The following HP1BP3 variants were observed in gnomAD, a reference collection of about 807,000 sequenced individuals.
The protein encoded by HP1BP3 is heterochromatin protein 1 binding protein 3.
HP1BP3 carries 12 observed loss-of-function variants against 62.5 expected under a neutral mutation model. The observed-to-expected ratio is 0.19, with a 90% CI of 0.12 to 0.31. The LOEUF is 0.31. HP1BP3 is among the 10% of genes least tolerant of loss of function. The pLI is 1.00. For synonymous variants in HP1BP3, 260 were observed against 237.8 expected (o/e 1.09, Z -0.86); for missense variants, 502 against 651.8 (o/e 0.77, Z 2.50).
chr1:20,757,052 C>A, intron 9 of HP1BP3, 114 bp downstream of exon 9: 2 of 607,532 alleles, frequency 3.3e-6, no homozygotes, highest in South Asian at 2.4e-5. Flanking sequence ...ACAGATATAA[C>A]CCACATAAAC....
chr1:20,750,723 G>A (rs977525776), intron 9 of HP1BP3, among the ~76,000 whole-genome samples: 1 of 150,902 alleles, frequency 6.6e-6, no homozygotes, highest in Admixed American at 6.6e-5. Flanking sequence ...ACACCTCCTT[G>A]TCCTCCTCAG....
chr1:20,782,455 C>T (rs916771881), intron 1 of HP1BP3, among the ~76,000 whole-genome samples: 6 of 151,686 alleles, frequency 4.0e-5, no homozygotes, highest in African/African-American at 1.5e-4. Flanking sequence ...TGGTGGCATG[C>T]GCCTGTAGTC....
At chr1:20,764,948 C>G (rs139264663) in intron 8 of HP1BP3, among the ~76,000 whole-genome samples, 5,398 of 151,294 alleles carry the variant, frequency 0.036, 311 homozygotes, top group African/African-American at 0.12. Flanking sequence ...GCAGGTGGAT[C>G]ACTTGAGTTC....
intron 8 of HP1BP3, 110 bp from the exon 9 acceptor site, chr1:20,757,366 ATTATTAT>A: frequency 4.8e-6 from 2 of 417,338 alleles, no homozygotes; most frequent in East Asian, 4.5e-5. Context: ...TACTATTATT[ATTATTAT>A]TTTTTTTTTT....
chr1:20,773,786 AC>A (rs1570652096), intron 4 of HP1BP3, 176 bp from the exon 5 acceptor site: 1 of 446,934 alleles, frequency 2.2e-6, no homozygotes, highest in Non-Finnish European at 3.9e-6. Flanking sequence ...AAAACTGGGT[AC>A]TATAAATGAA....
chr1:20,766,125 C>T (rs1219969186), intron 7 of HP1BP3, among the ~76,000 whole-genome samples: 1 of 152,050 alleles, frequency 6.6e-6, no homozygotes, highest in Non-Finnish European at 1.5e-5. Flanking sequence ...AACTCTGTCT[C>T]TAATAAAAAT....
chr1:20,754,477 T>A (rs1018584860), intron 9 of HP1BP3, among the ~76,000 whole-genome samples: 3 of 151,964 alleles, frequency 2.0e-5, no homozygotes, highest in African/African-American at 7.2e-5. Context: ...TTGGTTTTTT[T>A]TTTTTGGCAG....
At position 20,750,486 on chromosome 1, in the gene HP1BP3, C is replaced by G. The variant is rs2055664378; in HGVS notation, c.982-604G>C. ...GGGTTGCAGTGTGCCGAAATCATGCCACTGAACTCCAGCCTCGGCGACAGA... is the reference window on the plus strand; with the variant it reads ...GGGTTGCAGTGTGCCGAAATCATGCGACTGAACTCCAGCCTCGGCGACAGA... On this transcript the variant is annotated intron_variant, in intron 9 of 12. Coordinates refer to ENST00000438032, the MANE Select transcript of HP1BP3 (RefSeq NM_001372052.1). Among the ~76,000 whole-genome samples, 4 of 151,708 alleles carry G rather than the reference C, an allele frequency of 2.6e-5. No individual in the cohort carries two copies. The South Asian group carries it at 8.3e-4, about 32-fold the overall frequency.
Position 20,744,834 on chromosome 1 carries a change from T to A in HP1BP3, c.1625A>T (p.Lys542Ile), listed in dbSNP as rs1379467693. Residue 542 changes from lysine to isoleucine, a missense_variant, in exon 13 of 13, where the codon AAA becomes ATA. Lys to Ile is a moderately radical substitution (Grantham distance 102). Around this residue, in one of 5 missense-constraint regions of HP1BP3, gnomAD observed 194 missense variants for 207.0 expected, o/e 0.94. Transcript: ENST00000438032. ...TCTGAAAGACTTCTTCATGGTGGAT[T>A]TGCCCTTGCCCGGCAATTTTACTTC... Reference protein sequence around the residue: ...RKEVKLPGKGKSTMKKSFRVK... With the variant: ...RKEVKLPGKGISTMKKSFRVK... The A allele has an allele frequency of 6.2e-7, 1 of 1,613,242 alleles. No individual in the cohort carries two copies. The highest frequency in any genetic ancestry group is 1.7e-5 in the Admixed American group (1 of 59,896).
At chr1:20,747,478 A>C in intron 11 of HP1BP3, 66 bp downstream of exon 11, 1 of 1,008,686 alleles carries the variant, frequency 9.9e-7, no homozygotes, top group South Asian at 1.4e-5. Context: ...AGGGTAAAAT[A>C]AATTAAACTG....
intron 6 of HP1BP3, among the ~76,000 whole-genome samples, chr1:20,768,853 T>C (rs531160158): frequency 1.3e-5 from 2 of 152,224 alleles, no homozygotes; most frequent in East Asian, 3.9e-4. Context: ...TCACAATAAC[T>C]AAAGTCCTCC....
chr1:20,776,677 C>G lies in HP1BP3; in HGVS notation c.270G>C (p.Ser90=). The part of the protein sequence containing the change: ...EQENETPPAT[S]SEAEQPKGEP... Reference sequence around the variant, plus strand: ...CCCCCTTTGGCTGCTCTGCCTCACTCGAAGTAGCAGGTGGAGTTTCATTCT... The same window carrying G: ...CCCCCTTTGGCTGCTCTGCCTCACTGGAAGTAGCAGGTGGAGTTTCATTCT... Residue 90 remains serine (S), a synonymous_variant, in exon 4 of 13, where the codon TCG becomes TCC. Transcript: ENST00000438032. 6.2e-7 allele frequency: 1 copy of G among 1,613,882 alleles called. No homozygotes were observed. The highest frequency in any genetic ancestry group is 8.5e-7 in the Non-Finnish European group (1 of 1,179,832).
rs188619107 is a variant in HP1BP3, at chr1:20,741,884, G to A, written c.*2913C>T. On this transcript the variant is annotated 3_prime_UTR_variant, in exon 13 of 13. Coordinates refer to ENST00000438032, the MANE Select transcript of HP1BP3 (RefSeq NM_001372052.1). Reference sequence around the variant, plus strand: ...ACATGGAAGTAAAAATTATAAATGTGTTCTGCTCCTTTGGAATGCCTGGAA... The same window carrying A: ...ACATGGAAGTAAAAATTATAAATGTATTCTGCTCCTTTGGAATGCCTGGAA... Among the ~76,000 whole-genome samples the A allele has an allele frequency of 6.6e-6, 1 of 152,292 alleles. No homozygotes were observed. The highest frequency in any genetic ancestry group is 6.5e-5 in the Admixed American group (1 of 15,292).
chr1:20,745,788 C>A (rs750103419), intron 11 of HP1BP3, 132 bp from the exon 12 acceptor site: 1 of 820,516 alleles, frequency 1.2e-6, no homozygotes, highest in African/African-American at 1.7e-5. Flanking sequence ...CTAGGTTACA[C>A]GTATCAGGTT....
chr1:20,765,460 G>A lies in HP1BP3; in HGVS notation c.807C>T (p.Arg269=), dbSNP rs1326354357. The change falls in exon 8 of 13, where the codon CGC becomes CGT. Residue 269 remains arginine (R), a synonymous_variant. Transcript: ENST00000438032. ...LEDVLPLAFT[R]LCEPKEASYS... ...AGGAAGCTTCTTTAGGTTCACAAAG[G>A]CGAGTAAAGGCCAGTGGGAGGACAT... The A allele has an allele frequency of 1.2e-6, 2 of 1,613,336 alleles. No individual in the cohort carries two copies. Among genetic ancestry groups the A allele is most frequent in the East Asian group, 2.2e-5 (1 of 44,870 alleles).
Position 20,742,792 on chromosome 1 carries a change from T to C in HP1BP3, c.*2005A>G, listed in dbSNP as rs1271893190. The C allele has an allele frequency of 6.6e-6, 1 of 152,652 alleles. No individual in the cohort carries two copies. Among genetic ancestry groups the C allele is most frequent in the Non-Finnish European group, 1.5e-5 (1 of 68,048 alleles). The allele number at this position is 152,652 out of a possible 1,614,324, so 9.5% of individuals were successfully genotyped here. The stretch of plus-strand genomic sequence containing the variant: ...TGCAACACAAATTCCAATGAATTCA[T>C]GATGGGATCACACATGATTATGATC... On this transcript the variant is annotated 3_prime_UTR_variant, in exon 13 of 13. Transcript: ENST00000438032.
chr1:20,764,447 G>A (rs1401469317), intron 8 of HP1BP3, among the ~76,000 whole-genome samples: 3 of 151,438 alleles, frequency 2.0e-5, no homozygotes, highest in South Asian at 2.1e-4. Flanking sequence ...GGGTTCAAGC[G>A]ATTCTCCTGC....
rs962726316 is a variant in HP1BP3, at chr1:20,741,093, T to C, written c.*3704A>G. 7.9e-5 allele frequency among the ~76,000 whole-genome samples: 12 copies of C among 152,382 alleles called. No homozygotes were observed. Among genetic ancestry groups the C allele is most frequent in the Admixed American group, 5.2e-4 (8 of 15,310 alleles). ...CAGAACCTCTGGGGAAACAGTTTAA[T>C]GGTCTTTTCCAATTAAGAATAGAAT... On this transcript the variant is annotated 3_prime_UTR_variant, in exon 13 of 13. Transcript: ENST00000438032.
chr1:20,759,269 G>A (rs559908063), intron 8 of HP1BP3, among the ~76,000 whole-genome samples: 20 of 152,190 alleles, frequency 1.3e-4, no homozygotes, highest in African/African-American at 3.1e-4. Context: ...GTGTGGTGGC[G>A]CATGCCTGTA....
Sources: gnomAD v4.1 joint callset for allele counts (sites outside exome capture counted in the v4.1 genomes callset) on GRCh38, gnomAD v4.1.1 for gene constraint, gnomAD v4.1.1 regional missense constraint, MANE v1.5 for transcripts, NCBI Gene and HGNC (gene_info 2026-07-23, HGNC 2026-07-21) for gene names.